The following MEGF9 variants were observed in gnomAD, a reference collection of about 807,000 sequenced individuals.
MEGF9 encodes the protein multiple EGF like domains 9.
A neutral mutation model predicts 46.8 loss-of-function variants in MEGF9; 6 were observed. The observed-to-expected ratio is 0.13, with a 90% CI of 0.07 to 0.25. The LOEUF is 0.25. Ranked by LOEUF, MEGF9 falls within the 10% of genes least tolerant of loss-of-function variation. The probability of loss-of-function intolerance (pLI) is 1.00; values close to 1 mark genes in which losing one functional copy is unlikely to be tolerated. For missense variants in MEGF9, 683 were observed against 792.4 expected (o/e 0.86, Z 1.66); for synonymous variants, 302 against 330.7 (o/e 0.91, Z 0.94).
chr9:120,607,741 C>T lies in MEGF9; in HGVS notation c.1357G>A (p.Glu453Lys). Residue 453 changes from glutamate to lysine, a missense_variant and splice_region_variant, in exon 5 of 6, where the codon GAA becomes AAA. By Grantham distance (56) the Glu-to-Lys change is moderately conservative. Coordinates refer to ENST00000373930, the MANE Select transcript of MEGF9 (RefSeq NM_001080497.3). ...HDLEGNCIKK[E>K]VILPTPEGST... The stretch of plus-strand genomic sequence containing the variant: ...TACAATCACTTAGGTGAAGTTTTAC[C>T]TTTCTTGATGCAATTTCCCTCGAGG... The T allele has an allele frequency of 1.9e-6, 3 of 1,607,786 alleles. No individual in the cohort carries two copies. The highest frequency in any genetic ancestry group is 2.6e-6 in the Non-Finnish European group (3 of 1,174,602).
At chr9:120,713,682 T>C (rs1399873271) in intron 1 of MEGF9, 76 bp downstream of exon 1, 22 of 1,242,392 alleles carry the variant, frequency 1.8e-5, no homozygotes, top group Admixed American at 1.6e-4. Context: ...CGATAAATTA[T>C]AGGCAAGAGC....
intron 1 of MEGF9, among the ~76,000 whole-genome samples, chr9:120,705,388 G>A (rs1293533038): frequency 6.6e-6 from 1 of 151,640 alleles, no homozygotes; most frequent in Non-Finnish European, 1.5e-5. Context: ...ACTGAAGGAG[G>A]ACAAAGTGGT....
chr9:120,713,998 C>T lies in MEGF9; in HGVS notation c.361G>A (p.Gly121Ser), dbSNP rs765277993. The T allele has an allele frequency of 1.4e-6, 2 of 1,381,954 alleles. No individual in the cohort carries two copies. Among genetic ancestry groups the T allele is most frequent in the African/African-American group, 1.5e-5 (1 of 67,118 alleles). The allele number at this position is 1,381,954 out of a possible 1,614,324, so 85.6% of individuals were successfully genotyped here. The change falls in exon 1 of 6, where the codon GGC becomes AGC. Residue 121 changes from glycine to serine, a missense_variant. By Grantham distance (56) the Gly-to-Ser change is moderately conservative. This residue lies in a region of MEGF9 where 370 missense variants were observed against 371.3 expected (regional missense o/e 1.00). Coordinates refer to ENST00000373930, the MANE Select transcript of MEGF9 (RefSeq NM_001080497.3). ...PSSTTFQAPL[G>S]PSPTTPPAAE... ...GCCGGAGGGGTGGTCGGCGAGGGGC[C>T]GAGCGGCGCCTGAAAGGTGGTGGAA... is the stretch of plus-strand genomic sequence containing the variant.
chr9:120,655,455 A>G (rs1433059167), intron 2 of MEGF9, among the ~76,000 whole-genome samples: 1 of 152,180 alleles, frequency 6.6e-6, no homozygotes, highest in African/African-American at 2.4e-5. Context: ...AGTACATTCT[A>G]TGATGCTGTG....
chr9:120,693,488 T>C (rs1056251439), intron 1 of MEGF9, among the ~76,000 whole-genome samples: 5 of 152,144 alleles, frequency 3.3e-5, no homozygotes, highest in South Asian at 2.1e-4. Flanking sequence ...CTAAAAGAAG[T>C]ATAGCAAAGA....
intron 2 of MEGF9, among the ~76,000 whole-genome samples, chr9:120,650,784 T>C (rs17279091): frequency 1.4e-4 from 21 of 152,178 alleles, no homozygotes; most frequent in Middle Eastern, 3.4e-3. Flanking sequence ...ATTTCTTATG[T>C]CATTGTATAA....
rs544713331 is a variant in MEGF9 at position 120,680,270 on chromosome 9, T to C, written c.602-20695A>G. Among the ~76,000 whole-genome samples the C allele has an allele frequency of 2.0e-5, 3 of 152,314 alleles. 1 individual carries two copies. Among genetic ancestry groups the C allele is most frequent in the African/African-American group, 7.2e-5 (3 of 41,568 alleles). ...AGGCATTGAAGAGTTAGGTATTTATTGTAGTCTCCACAGTCTGGGCTTGTG... is the reference window on the plus strand; with the variant it reads ...AGGCATTGAAGAGTTAGGTATTTATCGTAGTCTCCACAGTCTGGGCTTGTG... On this transcript the variant is annotated intron_variant, in intron 1 of 5. Transcript: ENST00000373930.
intron 1 of MEGF9, among the ~76,000 whole-genome samples, chr9:120,672,577 C>T (rs1018910252): frequency 6.6e-6 from 1 of 152,168 alleles, no homozygotes; most frequent in African/African-American, 2.4e-5. Flanking sequence ...GCCATGATCA[C>T]ACCACTCTAC....
intron 1 of MEGF9, among the ~76,000 whole-genome samples, chr9:120,670,288 G>A (rs1238830040): frequency 6.6e-6 from 1 of 152,004 alleles, no homozygotes; most frequent in Non-Finnish European, 1.5e-5. Flanking sequence ...GTAGAGACCG[G>A]GTTTCACCAT....
At chr9:120,695,459 G>T (rs374635443) in intron 1 of MEGF9, among the ~76,000 whole-genome samples, 2 of 151,750 alleles carry the variant, frequency 1.3e-5, no homozygotes, top group East Asian at 3.9e-4. Flanking sequence ...CAAAAAATTA[G>T]CTGGGAGTGG....
At chr9:120,650,987 T>G (rs2043647060) in intron 2 of MEGF9, among the ~76,000 whole-genome samples, 1 of 152,242 alleles carries the variant, frequency 6.6e-6, no homozygotes, top group Admixed American at 6.5e-5. Flanking sequence ...CAGATATTCA[T>G]AAACTATTTT....
Position 120,622,620 on chromosome 9 carries a change from G to A in MEGF9, c.939C>T (p.Leu313=), listed in dbSNP as rs2043505158. 1.2e-6 allele frequency: 2 copies of A among 1,613,486 alleles called. No homozygotes were observed. The highest frequency in any genetic ancestry group is 1.3e-5 in the African/African-American group (1 of 74,802). The change falls in exon 3 of 6, where the codon CTC becomes CTT. Residue 313 remains leucine (L), a synonymous_variant. Transcript: ENST00000373930. ...CNNRSASCDA[L]TGACLNCQEN... is the part of the protein sequence containing the mutation. Reference sequence around the variant, plus strand: ...AAAGTTAAGGAAAGTACGTACCTGTGAGGGCATCGCAACTGGCAGACCGAT... The same window carrying A: ...AAAGTTAAGGAAAGTACGTACCTGTAAGGGCATCGCAACTGGCAGACCGAT...
Position 120,713,939 on chromosome 9 carries a change from C to A in MEGF9, c.420G>T (p.Pro140=). The stretch of plus-strand genomic sequence containing the variant: ...AAAGGGTGGTCGGCGCGGGTCTGGT[C>A]GGCGCCTGAGAGGTGGTCGAAGTGC... ...AERTSTTSQA[P]TRPAPTTLST... is the part of the protein sequence containing the mutation. The change falls in exon 1 of 6, where the codon CCG becomes CCT. Residue 140 remains proline, a synonymous_variant. Transcript: ENST00000373930. 1.5e-6 allele frequency: 2 copies of A among 1,369,120 alleles called. No individual in the cohort carries two copies. Among genetic ancestry groups the A allele is most frequent in the South Asian group, 3.7e-5 (2 of 54,458 alleles). 84.8% of individuals were successfully genotyped at this position (1,369,120 alleles called of 1,614,324 possible).
rs2132320614 is a variant in MEGF9 at position 120,655,143 on chromosome 9, T to A, written c.803+4231A>T. On this transcript the variant is annotated intron_variant, in intron 2 of 5. Coordinates refer to ENST00000373930, the MANE Select transcript of MEGF9 (RefSeq NM_001080497.3). ...TGTGCAGACTTTATAAATTCTACAG[T>A]AGTGTACAATAATATCCTAGGCTTT... Among the ~76,000 whole-genome samples, 3 of 152,302 alleles carry A rather than the reference T, an allele frequency of 2.0e-5. 1 individual carries two copies. In the South Asian group the frequency reaches 6.2e-4, roughly 32 times the overall value.
chr9:120,674,736 T>C (rs1215889649), intron 1 of MEGF9, among the ~76,000 whole-genome samples: 1 of 152,034 alleles, frequency 6.6e-6, no homozygotes. Flanking sequence ...GCTTGCCTAA[T>C]TTTTAAATTT....
At chr9:120,627,504 G>C (rs1245576936) in intron 2 of MEGF9, among the ~76,000 whole-genome samples, 1 of 152,060 alleles carries the variant, frequency 6.6e-6, no homozygotes, top group East Asian at 1.9e-4. Context: ...CTGTCACCCA[G>C]GTTGGAGTGG....
intron 2 of MEGF9, among the ~76,000 whole-genome samples, chr9:120,637,363 A>C (rs1305864996): frequency 6.6e-6 from 1 of 151,936 alleles, no homozygotes; most frequent in Non-Finnish European, 1.5e-5. Flanking sequence ...TCTCTCCACT[A>C]TCGTCCTATG....
At chr9:120,653,402 C>T (rs1254058067) in intron 2 of MEGF9, among the ~76,000 whole-genome samples, 3 of 148,940 alleles carry the variant, frequency 2.0e-5, no homozygotes, top group African/African-American at 4.9e-5. Flanking sequence ...GACAGGGTCT[C>T]ACTCTGTTGC....
chr9:120,618,866 TC>T (rs2043484900), intron 3 of MEGF9, among the ~76,000 whole-genome samples: 1 of 148,006 alleles, frequency 6.8e-6, no homozygotes, highest in African/African-American at 2.5e-5. Flanking sequence ...TGCCATGTAC[TC>T]CAGCCTGGTG....
Sources: gnomAD v4.1 joint callset for allele counts (sites outside exome capture counted in the v4.1 genomes callset) on GRCh38, gnomAD v4.1.1 for gene constraint, gnomAD v4.1.1 regional missense constraint, MANE v1.5 for transcripts, NCBI Gene and HGNC (gene_info 2026-07-23, HGNC 2026-07-21) for gene names.